The following GRID2 variants were observed in gnomAD, a reference collection of about 807,000 sequenced individuals.
GRID2 encodes the protein glutamate ionotropic receptor delta type subunit 2, also known as glutamate receptor ionotropic, delta-2.
A neutral mutation model predicts 114.8 loss-of-function variants in GRID2; 33 were observed. That is an observed-to-expected ratio of 0.29 (90% confidence interval 0.22 to 0.38). GRID2 has a LOEUF of 0.38. Among genes scored for constraint, GRID2 ranks in the 10% least tolerant of loss-of-function variants. GRID2 has a pLI of 1.00. For missense variants in GRID2, 1,184 were observed against 1,257.7 expected, an observed-to-expected ratio of 0.94 and a Z score of 0.89; for synonymous variants, 505 against 449.9, an observed-to-expected ratio of 1.12 and a Z score of -1.55.
chr4:92,470,956 T>C (rs765476807), intron 1 of GRID2, among the ~76,000 whole-genome samples: 1 of 151,878 alleles, frequency 6.6e-6, no homozygotes, highest in Admixed American at 6.6e-5. Flanking sequence ...TCTAATACTG[T>C]CTACATACAG....
intron 14 of GRID2, among the ~76,000 whole-genome samples, chr4:93,647,514 A>G (rs902000057): frequency 2.0e-5 from 3 of 152,206 alleles, no homozygotes; most frequent in African/African-American, 7.2e-5. Flanking sequence ...GGACAGAGGT[A>G]ATATAGTTCC....
intron 1 of GRID2, among the ~76,000 whole-genome samples, chr4:92,370,605 A>G (rs956049324): frequency 6.6e-6 from 1 of 152,144 alleles, no homozygotes; most frequent in Non-Finnish European, 1.5e-5. Flanking sequence ...AAGAAAAGAA[A>G]AAGACATTAG....
At chr4:92,316,142 G>A (rs1446680310) in intron 1 of GRID2, among the ~76,000 whole-genome samples, 3 of 152,064 alleles carry the variant, frequency 2.0e-5, no homozygotes, top group Admixed American at 2.0e-4. Flanking sequence ...GTGGTTTAGT[G>A]GCAGTTGCTG....
intron 1 of GRID2, among the ~76,000 whole-genome samples, chr4:92,501,634 A>G (rs1048342865): frequency 2.0e-5 from 3 of 152,126 alleles, no homozygotes; most frequent in African/African-American, 7.2e-5. Context: ...CACTTCAAGC[A>G]TCAGTGAACA....
chr4:92,357,966 A>G (rs1728416944), intron 1 of GRID2, among the ~76,000 whole-genome samples: 1 of 151,988 alleles, frequency 6.6e-6, no homozygotes, highest in African/African-American at 2.4e-5. Flanking sequence ...ATGAAGGAAA[A>G]TCTGATGTGA....
intron 8 of GRID2, among the ~76,000 whole-genome samples, chr4:93,335,660 T>A (rs893881112): frequency 6.6e-6 from 1 of 150,572 alleles, no homozygotes; most frequent in Non-Finnish European, 1.5e-5. Flanking sequence ...GTGTTTTGCT[T>A]CTTGTTTTTT....
chr4:92,739,931 T>A (rs1191481937), intron 2 of GRID2, among the ~76,000 whole-genome samples: 6 of 152,148 alleles, frequency 3.9e-5, no homozygotes, highest in Non-Finnish European at 8.8e-5. Context: ...TTACCTTCCA[T>A]AATATTTTTT....
At chr4:92,775,280 C>T (rs917020868) in intron 2 of GRID2, among the ~76,000 whole-genome samples, 26 of 152,090 alleles carry the variant, frequency 1.7e-4, no homozygotes, top group Non-Finnish European at 8.8e-5. Flanking sequence ...AATTACCTTT[C>T]GCTCACTGTT....
At chr4:92,856,471 G>A (rs547815641) in intron 2 of GRID2, among the ~76,000 whole-genome samples, 1 of 152,006 alleles carries the variant, frequency 6.6e-6, no homozygotes, top group East Asian at 1.9e-4. Flanking sequence ...AGCATAATAG[G>A]GTCAAAAATA....
chr4:92,943,285 C>G (rs1751324319), intron 2 of GRID2, among the ~76,000 whole-genome samples: 2 of 152,012 alleles, frequency 1.3e-5, no homozygotes, highest in South Asian at 4.2e-4. Flanking sequence ...ATTCTTTTTT[C>G]TCTGAACTTC....
At chr4:93,690,335 T>A (rs1166205123) in intron 14 of GRID2, among the ~76,000 whole-genome samples, 2 of 152,028 alleles carry the variant, frequency 1.3e-5, no homozygotes, top group Admixed American at 1.3e-4. Flanking sequence ...GAAGAAGTAC[T>A]GTCACTCTCT....
chr4:92,835,067 A>G (rs1347026186), intron 2 of GRID2, among the ~76,000 whole-genome samples: 4 of 152,148 alleles, frequency 2.6e-5, no homozygotes, highest in African/African-American at 9.7e-5. Context: ...CTTATTTTAA[A>G]TAAGTCAAAG....
At chr4:93,167,586 G>T (rs1738376022) in intron 4 of GRID2, among the ~76,000 whole-genome samples, 1 of 151,924 alleles carries the variant, frequency 6.6e-6, no homozygotes, top group Non-Finnish European at 1.5e-5. Flanking sequence ...GGCAAGAAAG[G>T]AAATAAAAGA....
At chr4:93,129,704 G>A (rs540667904) in intron 4 of GRID2, among the ~76,000 whole-genome samples, 120 of 152,218 alleles carry the variant, frequency 7.9e-4, no homozygotes, top group African/African-American at 2.7e-3. Context: ...TGATGATCTT[G>A]TATTTATTTT....
chr4:93,106,487 C>G (rs879925129), intron 3 of GRID2, among the ~76,000 whole-genome samples: 1 of 152,150 alleles, frequency 6.6e-6, no homozygotes, highest in Admixed American at 6.5e-5. Flanking sequence ...GCTGGGACGA[C>G]GAGCATGCAC....
intron 2 of GRID2, among the ~76,000 whole-genome samples, chr4:92,611,102 GTA>G (rs772340190): frequency 1.4e-5 from 2 of 146,218 alleles, no homozygotes; most frequent in South Asian, 4.4e-4. Flanking sequence ...ATGTGTGTGT[GTA>G]TATGTGTGTG....
intron 12 of GRID2, among the ~76,000 whole-genome samples, chr4:93,497,139 A>T (rs1358685949): frequency 1.3e-5 from 2 of 151,568 alleles, no homozygotes; most frequent in African/African-American, 4.8e-5. Context: ...AGTGGTATTG[A>T]ACATCTGTTC....
chr4:93,236,902 A>G (rs550997899), intron 7 of GRID2, among the ~76,000 whole-genome samples: 1 of 152,206 alleles, frequency 6.6e-6, no homozygotes, highest in South Asian at 2.1e-4. Flanking sequence ...AAATCCTTCA[A>G]AAATAAAGAA....
intron 2 of GRID2, among the ~76,000 whole-genome samples, chr4:92,751,368 A>G (rs563686137): frequency 6.6e-6 from 1 of 152,326 alleles, no homozygotes; most frequent in South Asian, 2.1e-4. Context: ...CTATAAGGCA[A>G]TAATCAAAAC....
Sources: gnomAD v4.1 joint callset for allele counts (sites outside exome capture counted in the v4.1 genomes callset) on GRCh38, gnomAD v4.1.1 for gene constraint, MANE v1.5 for transcripts, NCBI Gene and HGNC (gene_info 2026-07-23, HGNC 2026-07-21) for gene names.